The following MCMBP variants were observed in gnomAD, a reference collection of about 807,000 sequenced individuals.
MCMBP encodes the protein minichromosome maintenance complex binding protein.
Under a neutral mutation model 81.3 loss-of-function variants are expected in MCMBP, and 31 were observed. That is an observed-to-expected ratio of 0.38 (90% CI 0.29 to 0.51). The LOEUF (loss-of-function observed/expected upper bound fraction) is 0.51, where lower values mean the gene tolerates loss of function less well. Among genes scored for constraint, MCMBP ranks in the 20% least tolerant of loss-of-function variants. The pLI, the probability that MCMBP is intolerant of heterozygous loss-of-function variation, is 0.87. For missense variants in MCMBP, 645 were observed against 772.1 expected (o/e 0.84, Z 1.95); for synonymous variants, 267 against 275.9 (o/e 0.97, Z 0.32).
rs1465609265 is a variant in MCMBP, at chr10:119,849,424, C to G, written c.726+1G>C. ...GTTGGATCTACGAAAGGTTTTATTA[C>G]CTTCACAAGGCATGCAGGGCCCTTC... On this transcript the variant is annotated splice_donor_variant, in intron 7 of 15. Transcript: ENST00000369077. LOFTEE classifies it high-confidence loss of function. 6.2e-7 allele frequency: 1 copy of G among 1,605,908 alleles called. No individual in the cohort carries two copies.
Position 119,872,111 on chromosome 10 carries a change from G to C in MCMBP, c.58+416C>G, listed in dbSNP as rs1290340676. Among the ~76,000 whole-genome samples, 9 of 152,260 alleles carry C rather than the reference G, an allele frequency of 5.9e-5. No individual in the cohort carries two copies. In the South Asian group the frequency reaches 1.5e-3, roughly 25 times the overall value. Reference sequence around the variant, plus strand: ...ACCGGAAGTTTTGAAATATCCTGTGGGCTTCCCACAGGCAAAGTGGTTTTC... The same window carrying C: ...ACCGGAAGTTTTGAAATATCCTGTGCGCTTCCCACAGGCAAAGTGGTTTTC... On this transcript the variant is annotated intron_variant, in intron 1 of 15. Transcript: ENST00000369077.
intron 14 of MCMBP, among the ~76,000 whole-genome samples, chr10:119,832,874 GA>G (rs1852096190): frequency 6.6e-6 from 1 of 152,152 alleles, no homozygotes; most frequent in African/African-American, 2.4e-5. Context: ...CCCTTCAATG[GA>G]AAAGCTAGCT....
In MCMBP at chr10:119,835,716, A is replaced by G. The variant is rs200985308; in HGVS notation, c.1543-12T>C. 13 of 1,613,772 alleles carry G rather than the reference A, an allele frequency of 8.1e-6. No individual in the cohort carries two copies. The highest frequency in any genetic ancestry group is 1.1e-5 in the Non-Finnish European group (13 of 1,179,874). On this transcript the variant is annotated splice_polypyrimidine_tract_variant and intron_variant, in intron 13 of 15. Coordinates refer to ENST00000369077, the MANE Select transcript of MCMBP (RefSeq NM_001256378.2). ...ATCTGGCAGTCTGCCTGAAAAGAGA[A>G]GGAGTACACTGTATTTTCTGAGTTC...
chr10:119,859,031 C>T lies in MCMBP; in HGVS notation c.285+10G>A, dbSNP rs1853149711. ...TAATACCACAAATTCATGAAAACAG[C>T]AATACTTACATGTGCTTTTGTGTTT... On this transcript the variant is annotated intron_variant, in intron 3 of 15. Transcript: ENST00000369077. 4 of 1,612,536 alleles carry T rather than the reference C, an allele frequency of 2.5e-6. No individual in the cohort carries two copies. The South Asian group carries it at 3.3e-5, about 13-fold the overall frequency.
At chr10:119,839,197 G>A (rs1852349107) in intron 11 of MCMBP, among the ~76,000 whole-genome samples, 1 of 152,154 alleles carries the variant, frequency 6.6e-6, no homozygotes, top group South Asian at 2.1e-4. Flanking sequence ...GCTGTGGATG[G>A]ACCTGCAGCT....
Position 119,847,688 on chromosome 10 carries a change from T to G in MCMBP, c.752A>C (p.Lys251Thr), listed in dbSNP as rs1424706072. The change falls in exon 8 of 16, where the codon AAA becomes ACA. Residue 251 changes from lysine (K) to threonine (T), a missense_variant. Coordinates refer to ENST00000369077, the MANE Select transcript of MCMBP (RefSeq NM_001256378.2). The stretch of plus-strand genomic sequence containing the variant: ...ATATAGCTCAAGAATGTCATTTACT[T>G]TGAAACAATCCCAATCTTCATAAAC... Reference protein sequence around the residue: ...VKVYEDWDCFKVNDILELYGI... With the variant: ...VKVYEDWDCFTVNDILELYGI... 12 of 1,609,964 alleles carry G rather than the reference T, an allele frequency of 7.5e-6. No homozygotes were observed. The highest frequency in any genetic ancestry group is 1.0e-5 in the Non-Finnish European group (12 of 1,177,714).
chr10:119,852,915 A>G (rs1852882202), intron 6 of MCMBP, 135 bp downstream of exon 6: 2 of 1,101,166 alleles, frequency 1.8e-6, no homozygotes, highest in Non-Finnish European at 2.6e-6. Flanking sequence ...AGTACTGTAA[A>G]AACTCTCAAC....
intron 4 of MCMBP, 90 bp from the exon 5 acceptor site, chr10:119,857,529 A>C: frequency 1.5e-6 from 1 of 662,482 alleles, no homozygotes. Context: ...TCACATTATA[A>C]CACCACAGCA....
intron 1 of MCMBP, among the ~76,000 whole-genome samples, chr10:119,863,896 C>T (rs1402177216): frequency 6.6e-6 from 1 of 151,748 alleles, no homozygotes; most frequent in Non-Finnish European, 1.5e-5. Flanking sequence ...GAATAATGAC[C>T]CCCTCCCACC....
chr10:119,837,479 T>C (rs1365179533), intron 12 of MCMBP, among the ~76,000 whole-genome samples: 1 of 152,230 alleles, frequency 6.6e-6, no homozygotes, highest in Non-Finnish European at 1.5e-5. Flanking sequence ...AGTGTATTCT[T>C]AATTGTCTTC....
chr10:119,850,874 G>GTTTTTTTTTTTT (rs1284100421), intron 6 of MCMBP, among the ~76,000 whole-genome samples: 49 of 130,528 alleles, frequency 3.8e-4, no homozygotes, highest in South Asian at 9.6e-4. Context: ...TACAAGATCT[G>GTTTTTTTTTTTT]TTTTTTTTTT....
intron 13 of MCMBP, 128 bp downstream of exon 13, chr10:119,836,768 T>G (rs1412646010): frequency 3.7e-5 from 1 of 26,776 alleles, no homozygotes. Context: ...TTTTTTTTTT[T>G]TTTTTTTTTT....
intron 14 of MCMBP, among the ~76,000 whole-genome samples, chr10:119,832,382 G>A (rs187936555): frequency 7.9e-5 from 12 of 152,292 alleles, no homozygotes; most frequent in African/African-American, 2.4e-4. Context: ...TGGCAGAGAA[G>A]GGACCGCAGA....
chr10:119,846,817 A>T (rs1000325596), intron 8 of MCMBP, among the ~76,000 whole-genome samples: 4 of 152,136 alleles, frequency 2.6e-5, no homozygotes, highest in Non-Finnish European at 5.9e-5. Flanking sequence ...TAAACCAGGA[A>T]GCGGGCCCTC....
chr10:119,853,031 A>C lies in MCMBP; in HGVS notation c.574+19T>G. The C allele has an allele frequency of 6.2e-7, 1 of 1,613,162 alleles. No homozygotes were observed. The highest frequency in any genetic ancestry group is 8.5e-7 in the Non-Finnish European group (1 of 1,179,396). On this transcript the variant is annotated intron_variant, in intron 6 of 15. Coordinates refer to ENST00000369077, the MANE Select transcript of MCMBP (RefSeq NM_001256378.2). ...TGTAAGAGAGCAAAGTCTAGAGAAAACCTGTTGGCACACACTACCTGCTTG... is the reference window on the plus strand; with the variant it reads ...TGTAAGAGAGCAAAGTCTAGAGAAACCCTGTTGGCACACACTACCTGCTTG...
Position 119,835,573 on chromosome 10 carries a change from G to C in MCMBP, c.1674C>G (p.Phe558Leu). ...KFRIYLTLLRFLEYSISDEIT... is the reference protein window; with the variant it reads ...KFRIYLTLLRLLEYSISDEIT... ...TTTCATCAGATATGCTATATTCCAA[G>C]AATCTCAAAAGAGTTAGATAAATGC... The change falls in exon 14 of 16, where the codon TTC becomes TTG. Residue 558 changes from phenylalanine (F) to leucine (L), a missense_variant. Transcript: ENST00000369077. The C allele has an allele frequency of 6.2e-7, 1 of 1,614,084 alleles. No individual in the cohort carries two copies. The highest frequency in any genetic ancestry group is 8.5e-7 in the Non-Finnish European group (1 of 1,179,980).
intron 14 of MCMBP, 80 bp downstream of exon 14, chr10:119,835,460 A>G (rs1206452942): frequency 8.3e-7 from 1 of 1,199,062 alleles, no homozygotes; most frequent in Admixed American, 2.3e-5. Flanking sequence ...AAATTACCTT[A>G]TCAGTAATTA....
In MCMBP at chr10:119,831,517, GTTC is replaced by G. The variant is rs1564866885; in HGVS notation, c.1877_1879del (p.Arg626del). On this transcript the variant is annotated inframe_deletion, in exon 16 of 16. Coordinates refer to ENST00000369077, the MANE Select transcript of MCMBP (RefSeq NM_001256378.2). ...CACACATTTTTGCTGCTGAAGCCTC[GTTC>G]TTCTTAAAGACTCTAGCTGCTTTGC... 3.1e-6 allele frequency: 5 copies of G among 1,613,966 alleles called. No individual in the cohort carries two copies. Among genetic ancestry groups the G allele is most frequent in the Non-Finnish European group, 2.5e-6 (3 of 1,179,934 alleles).
intron 11 of MCMBP, among the ~76,000 whole-genome samples, chr10:119,840,509 G>C (rs532889055): frequency 6.6e-6 from 1 of 152,272 alleles, no homozygotes; most frequent in Non-Finnish European, 1.5e-5. Context: ...AAAGAATTAT[G>C]CTCCTACAAT....
Sources: allele counts gnomAD v4.1 joint callset (sites outside exome capture counted in the v4.1 genomes callset), GRCh38; gene constraint gnomAD v4.1.1; transcripts MANE v1.5; gene names NCBI Gene and HGNC (gene_info 2026-07-23, HGNC 2026-07-21).